Variants in ERBB4 observed in about 807,000 individuals in gnomAD.
ERBB4 encodes receptor tyrosine-protein kinase erbB-4.
ERBB4 carries 42 observed loss-of-function variants against 158.0 expected under a neutral mutation model. That is an observed-to-expected ratio of 0.27 (90% CI 0.21 to 0.34). ERBB4 has a LOEUF of 0.34. Among genes scored for constraint, ERBB4 ranks in the 10% least tolerant of loss-of-function variants. The pLI, the probability that ERBB4 is intolerant of heterozygous loss-of-function variation, is 1.00. For synonymous variants in ERBB4, 583 were observed against 558.7 expected (o/e 1.04, Z -0.61); for missense variants, 1,333 against 1,624.1 (o/e 0.82, Z 3.08).
chr2:212,049,316 A>G (rs1460544561), intron 2 of ERBB4, among the ~76,000 whole-genome samples: 1 of 152,206 alleles, frequency 6.6e-6, no homozygotes, highest in Non-Finnish European at 1.5e-5. Context: ...GTTGTGCTAC[A>G]ATAATTGGAC....
At chr2:212,095,596 TGTGA>T (rs1388732929) in intron 2 of ERBB4, among the ~76,000 whole-genome samples, 12 of 152,152 alleles carry the variant, frequency 7.9e-5, no homozygotes, top group Admixed American at 6.5e-5. Context: ...TTGGAATCCA[TGTGA>T]GTATCAGAAT....
At chr2:211,638,919 A>C (rs1202200066) in intron 16 of ERBB4, among the ~76,000 whole-genome samples, 9 of 152,160 alleles carry the variant, frequency 5.9e-5, no homozygotes, top group Non-Finnish European at 1.5e-5. Flanking sequence ...ACATAAACTT[A>C]TACACTTGAC....
At chr2:212,075,514 A>G (rs1437848086) in intron 2 of ERBB4, among the ~76,000 whole-genome samples, 3 of 151,872 alleles carry the variant, frequency 2.0e-5, no homozygotes, top group African/African-American at 4.8e-5. Context: ...CTTTGTGGGT[A>G]GTATATCTCA....
intron 1 of ERBB4, among the ~76,000 whole-genome samples, chr2:212,175,261 A>C (rs1252985386): frequency 6.6e-6 from 1 of 152,088 alleles, no homozygotes; most frequent in Non-Finnish European, 1.5e-5. Context: ...TAAATGTTGA[A>C]TGAATGAAGC....
At chr2:211,850,322 T>C (rs1032403062) in intron 3 of ERBB4, among the ~76,000 whole-genome samples, 1 of 151,876 alleles carries the variant, frequency 6.6e-6, no homozygotes, top group African/African-American at 2.4e-5. Flanking sequence ...GCAGTATATA[T>C]GCCTTTTATT....
intron 20 of ERBB4, among the ~76,000 whole-genome samples, chr2:211,559,874 T>C (rs1481242933): frequency 6.6e-6 from 1 of 152,168 alleles, no homozygotes; most frequent in Non-Finnish European, 1.5e-5. Flanking sequence ...ATAGTAAAAG[T>C]ATAGTATGAC....
chr2:212,121,938 CT>C (rs1403772919), intron 2 of ERBB4, among the ~76,000 whole-genome samples: 1 of 151,958 alleles, frequency 6.6e-6, no homozygotes, highest in Non-Finnish European at 1.5e-5. Context: ...TTCCTGAATC[CT>C]TTAGATAACC....
chr2:212,083,924 G>GAAAA (rs35084075), intron 2 of ERBB4, among the ~76,000 whole-genome samples: 4 of 143,748 alleles, frequency 2.8e-5, no homozygotes, highest in African/African-American at 5.1e-5. Flanking sequence ...TTGTTCACAG[G>GAAAA]AAAAAAAAAA....
chr2:211,488,924 G>A (rs77754135), intron 20 of ERBB4, among the ~76,000 whole-genome samples: 4,691 of 152,118 alleles, frequency 0.031, 252 homozygotes, highest in African/African-American at 0.11. Context: ...AAGCAGTTGT[G>A]TCTATATGGC....
chr2:211,836,447 T>C (rs1310131133), intron 3 of ERBB4, among the ~76,000 whole-genome samples: 2 of 152,080 alleles, frequency 1.3e-5, no homozygotes, highest in African/African-American at 4.8e-5. Context: ...GTGTGTGATA[T>C]TTCTACGAGG....
At chr2:211,929,527 G>T (rs913852722) in intron 3 of ERBB4, among the ~76,000 whole-genome samples, 2 of 151,942 alleles carry the variant, frequency 1.3e-5, no homozygotes, top group South Asian at 2.1e-4. Flanking sequence ...CAGCCTGTGG[G>T]CACATTTCCC....
At chr2:212,066,151 T>C (rs1307436240) in intron 2 of ERBB4, among the ~76,000 whole-genome samples, 1 of 151,890 alleles carries the variant, frequency 6.6e-6, no homozygotes, top group Non-Finnish European at 1.5e-5. Flanking sequence ...AGACTCTTAC[T>C]CTGGGATGTG....
At chr2:211,629,384 A>G (rs967147835) in intron 17 of ERBB4, among the ~76,000 whole-genome samples, 10 of 152,256 alleles carry the variant, frequency 6.6e-5, no homozygotes, top group South Asian at 2.1e-4. Context: ...CCACTGCTCA[A>G]TGAAATAAAA....
At chr2:211,988,338 C>A (rs780371548) in intron 2 of ERBB4, among the ~76,000 whole-genome samples, 1 of 151,982 alleles carries the variant, frequency 6.6e-6, no homozygotes, top group Non-Finnish European at 1.5e-5. Flanking sequence ...AAGCCTCATC[C>A]CCTTATCCAT....
chr2:212,306,631 A>T (rs2086820674), intron 1 of ERBB4, among the ~76,000 whole-genome samples: 1 of 151,430 alleles, frequency 6.6e-6, no homozygotes, highest in South Asian at 2.1e-4. Context: ...AATATTTATT[A>T]AACTGCATAT....
intron 6 of ERBB4, among the ~76,000 whole-genome samples, chr2:211,722,936 C>A (rs2074150660): frequency 6.6e-6 from 1 of 152,182 alleles, no homozygotes; most frequent in Non-Finnish European, 1.5e-5. Flanking sequence ...AGTTCCATAT[C>A]CCAAATGACA....
intron 3 of ERBB4, among the ~76,000 whole-genome samples, chr2:211,925,771 C>T (rs545416099): frequency 6.6e-6 from 1 of 152,062 alleles, no homozygotes; most frequent in East Asian, 1.9e-4. Flanking sequence ...ACAATATGTA[C>T]AATATTTCAC....
intron 20 of ERBB4, among the ~76,000 whole-genome samples, chr2:211,561,611 A>G (rs571564876): frequency 4.6e-5 from 7 of 152,234 alleles, no homozygotes; most frequent in Non-Finnish European, 8.8e-5. Flanking sequence ...ACCGAAACAA[A>G]TAAGCCAAAC....
intron 2 of ERBB4, among the ~76,000 whole-genome samples, chr2:212,065,059 T>C (rs2077902317): frequency 1.3e-5 from 2 of 151,012 alleles, no homozygotes; most frequent in South Asian, 4.2e-4. Context: ...CTGACTTTCA[T>C]TGACATGATA....
Sources: gnomAD v4.1 joint callset for allele counts (sites outside exome capture counted in the v4.1 genomes callset) on GRCh38, gnomAD v4.1.1 for gene constraint, MANE v1.5 for transcripts, NCBI Gene and HGNC (gene_info 2026-07-23, HGNC 2026-07-21) for gene names.